The following CREB1 variants were observed in gnomAD, a reference collection of about 807,000 sequenced individuals.
CREB1 encodes cyclic AMP-responsive element-binding protein 1.
CREB1 carries 2 observed loss-of-function variants against 42.0 expected under a neutral mutation model. The observed-to-expected ratio is 0.05, with a 90% CI of 0.02 to 0.15. CREB1 has a LOEUF of 0.15. CREB1 is among the 10% of genes least tolerant of loss of function. CREB1 has a pLI of 1.00. For missense variants in CREB1, 199 were observed against 388.9 expected (o/e 0.51, Z 4.11); for synonymous variants, 123 against 139.9 (o/e 0.88, Z 0.85).
intron 1 of CREB1, among the ~76,000 whole-genome samples, chr2:207,552,632 G>A (rs189161974): frequency 4.1e-4 from 58 of 142,812 alleles, no homozygotes; most frequent in Non-Finnish European, 6.3e-4. Flanking sequence ...TGGTAAGACA[G>A]TCTTGCTCTG....
rs866948648 is a variant in CREB1 at position 207,604,540 on chromosome 2, G to T, written c.*7482G>T. On this transcript the variant is annotated 3_prime_UTR_variant, in exon 8 of 8. Coordinates refer to ENST00000353267, the MANE Select transcript of CREB1 (RefSeq NM_004379.5). Reference sequence around the variant, plus strand: ...CGGATGAGAATTCTAACACGGGCCTGACATCAAATGGAAAGGAAGGATAAT... The same window carrying T: ...CGGATGAGAATTCTAACACGGGCCTTACATCAAATGGAAAGGAAGGATAAT... 6.6e-6 allele frequency among the ~76,000 whole-genome samples: 1 copy of T among 152,136 alleles called. No individual in the cohort carries two copies. The highest frequency in any genetic ancestry group is 1.5e-5 in the Non-Finnish European group (1 of 68,026).
At chr2:207,533,086 C>CT (rs34172985) in intron 1 of CREB1, among the ~76,000 whole-genome samples, 26,359 of 145,564 alleles carry the variant, frequency 0.18, 2,477 homozygotes, top group Middle Eastern at 0.2. Flanking sequence ...CTGCTTGAAT[C>CT]TTTTTTTTTT....
chr2:207,593,275 C>T (rs2085437283), intron 7 of CREB1, among the ~76,000 whole-genome samples: 1 of 152,198 alleles, frequency 6.6e-6, no homozygotes, highest in Non-Finnish European at 1.5e-5. Context: ...CCTGTAATCC[C>T]AGCACTTTGG....
intron 5 of CREB1, among the ~76,000 whole-genome samples, chr2:207,571,022 C>CTTTTTTTTTTTTTTTTTTTTTTT (rs71036933): frequency 1.5e-5 from 1 of 68,452 alleles, no homozygotes; most frequent in East Asian, 6.7e-4. Context: ...CTCTTTTTCC[C>CTTTTTTTTTTTTTTTTTTTTTTT]TTTTTTTTTT....
At chr2:207,557,284 T>C (rs1316195338) in intron 2 of CREB1, among the ~76,000 whole-genome samples, 1 of 152,210 alleles carries the variant, frequency 6.6e-6, no homozygotes, top group Non-Finnish European at 1.5e-5. Flanking sequence ...CCTTTCTCCC[T>C]ACTTCCATTT....
intron 1 of CREB1, among the ~76,000 whole-genome samples, chr2:207,554,322 A>G (rs530799211): frequency 2.0e-5 from 3 of 152,336 alleles, no homozygotes; most frequent in African/African-American, 7.2e-5. Flanking sequence ...TATGTAATAC[A>G]TTGTGATGGA....
rs908853798 is a variant in CREB1, at chr2:207,603,842, G to T, written c.*6784G>T. ...GGGGATATGGTTAATCTTTGCTTAAGCTGTAAGAATAAAAAAGTTATCTCC... is the reference window on the plus strand; with the variant it reads ...GGGGATATGGTTAATCTTTGCTTAATCTGTAAGAATAAAAAAGTTATCTCC... On this transcript the variant is annotated 3_prime_UTR_variant, in exon 8 of 8. Transcript: ENST00000353267. 2.0e-5 allele frequency among the ~76,000 whole-genome samples: 3 copies of T among 152,158 alleles called. No homozygotes were observed. Among genetic ancestry groups the T allele is most frequent in the African/African-American group, 4.8e-5 (2 of 41,426 alleles).
At chr2:207,591,040 T>C (rs767771350) in intron 7 of CREB1, among the ~76,000 whole-genome samples, 3 of 152,198 alleles carry the variant, frequency 2.0e-5, no homozygotes, top group Non-Finnish European at 2.9e-5. Flanking sequence ...CCCAGGTGTT[T>C]TATGGCCCAA....
At chr2:207,570,038 CT>C (rs2082296404) in intron 4 of CREB1, 140 bp from the exon 5 acceptor site, 1 of 512,218 alleles carries the variant, frequency 2.0e-6, no homozygotes, top group Non-Finnish European at 3.1e-6. Context: ...AAGACTCCAT[CT>C]CAAAAAAAAA....
intron 1 of CREB1, among the ~76,000 whole-genome samples, chr2:207,535,745 CTT>C: frequency 6.7e-6 from 1 of 148,746 alleles, no homozygotes; most frequent in African/African-American, 2.5e-5. Context: ...GTTTCACTAC[CTT>C]TTTTTTTTCC....
intron 3 of CREB1, chr2:207,560,991 CTGTT>C: frequency 1.3e-6 from 1 of 775,604 alleles, no homozygotes; most frequent in Non-Finnish European, 2.2e-6. Context: ...GGTGACTACT[CTGTT>C]TAACTGTAGG....
At chr2:207,562,323 A>G (rs933682282) in intron 3 of CREB1, among the ~76,000 whole-genome samples, 2 of 152,184 alleles carry the variant, frequency 1.3e-5, no homozygotes, top group African/African-American at 4.8e-5. Flanking sequence ...AAGAACACAA[A>G]AATTACTTAA....
At chr2:207,542,217 C>T (rs531802457) in intron 1 of CREB1, among the ~76,000 whole-genome samples, 1 of 152,302 alleles carries the variant, frequency 6.6e-6, no homozygotes, top group Admixed American at 6.5e-5. Flanking sequence ...ATTTAAGGAA[C>T]TGCCGGGCTG....
At position 207,568,532 on chromosome 2, in the gene CREB1, A is replaced by G. The variant is rs117742383; in HGVS notation, c.362+969A>G. Among the ~76,000 whole-genome samples the G allele has an allele frequency of 2.8e-4, 42 of 152,280 alleles. No homozygotes were observed. The East Asian group carries it at 7.9e-3, about 29-fold the overall frequency. On this transcript the variant is annotated intron_variant, in intron 4 of 7. Transcript: ENST00000353267. The stretch of plus-strand genomic sequence containing the variant: ...GGTAAATATAAAAGCCAGGATTATT[A>G]TAGTTTTGGTTTGTAACTCCTTTTT...
At position 207,597,638 on chromosome 2, in the gene CREB1, A is replaced by G. The variant is rs1487948060; in HGVS notation, c.*580A>G. 4.8e-6 allele frequency: 1 copy of G among 207,774 alleles called. No homozygotes were observed. Among genetic ancestry groups the G allele is most frequent in the Non-Finnish European group, 9.8e-6 (1 of 101,804 alleles). The allele number at this position is 207,774 out of a possible 1,614,324, so 12.9% of individuals were successfully genotyped here. ...TAGAAATGAATTTGGAGTGCTTTTT[A>G]TGTATGTTGTCTTCTTCAATACTGA... On this transcript the variant is annotated 3_prime_UTR_variant, in exon 8 of 8. Transcript: ENST00000353267.
In CREB1 at chr2:207,538,808, A is replaced by T. The variant is rs117319895; in HGVS notation, c.-9+8674A>T. 3.9e-4 allele frequency among the ~76,000 whole-genome samples: 59 copies of T among 152,328 alleles called. 4 individuals are homozygous for T. The East Asian group carries it at 0.011, about 29-fold the overall frequency. On this transcript the variant is annotated intron_variant, in intron 1 of 7. Transcript: ENST00000353267. ...TGAAATGAAGACGTTTCTTTCATCA[A>T]TTTTAAGTGAATTTCTAAGGATCTG...
chr2:207,593,192 C>T (rs1330822862), intron 7 of CREB1, among the ~76,000 whole-genome samples: 1 of 152,180 alleles, frequency 6.6e-6, no homozygotes, highest in East Asian at 1.9e-4. Context: ...ATGTTATCCA[C>T]CATTCCTATT....
chr2:207,545,543 T>C (rs2551641), intron 1 of CREB1, among the ~76,000 whole-genome samples: 25,123 of 152,038 alleles, frequency 0.17, 2,291 homozygotes, highest in Middle Eastern at 0.2. Flanking sequence ...TTTTATGCTA[T>C]AGTCCCATAG....
At chr2:207,579,950 C>G (rs912154304) in intron 7 of CREB1, among the ~76,000 whole-genome samples, 6 of 152,206 alleles carry the variant, frequency 3.9e-5, no homozygotes, top group African/African-American at 1.4e-4. Flanking sequence ...TTTCTGGCTA[C>G]TTTTCAAATT....
Sources: allele counts gnomAD v4.1 joint callset (sites outside exome capture counted in the v4.1 genomes callset), GRCh38; gene constraint gnomAD v4.1.1; transcripts MANE v1.5; gene names NCBI Gene and HGNC (gene_info 2026-07-23, HGNC 2026-07-21).